The following LRRC4C variants were observed in gnomAD, a reference collection of about 807,000 sequenced individuals.
LRRC4C encodes leucine rich repeat containing 4C, also known as leucine-rich repeat-containing protein 4C.
Under a neutral mutation model 33.6 loss-of-function variants are expected in LRRC4C, and 5 were observed. That is an observed-to-expected ratio of 0.15 (90% CI 0.08 to 0.31). LRRC4C has a LOEUF of 0.31. Among genes scored for constraint, LRRC4C ranks in the 10% least tolerant of loss-of-function variants. LRRC4C has a pLI of 1.00. For synonymous variants in LRRC4C, 329 were observed against 302.0 expected, an observed-to-expected ratio of 1.09 and a Z score of -0.93; for missense variants, 560 against 796.7, an observed-to-expected ratio of 0.70 and a Z score of 3.58.
intron 5 of LRRC4C, among the ~76,000 whole-genome samples, chr11:40,183,641 A>G (rs12362407): frequency 0.18 from 27,227 of 152,276 alleles, 3,182 homozygotes; most frequent in Middle Eastern, 0.3. Context: ...AAAACCAATC[A>G]GAAACTCTGT....
At chr11:41,088,344 A>AT (rs1940155784) in intron 1 of LRRC4C, among the ~76,000 whole-genome samples, 1 of 152,182 alleles carries the variant, frequency 6.6e-6, no homozygotes, top group East Asian at 1.9e-4. Flanking sequence ...CTTGTTTTTG[A>AT]TTTTTTAAGA....
chr11:41,306,003 C>T (rs1254354765), intron 1 of LRRC4C, among the ~76,000 whole-genome samples: 1 of 146,326 alleles, frequency 6.8e-6, no homozygotes, highest in Non-Finnish European at 1.5e-5. Flanking sequence ...GCCCCCTGGG[C>T]CCCCTTATTT....
At chr11:40,588,229 A>C (rs1359016938) in intron 3 of LRRC4C, among the ~76,000 whole-genome samples, 4 of 150,712 alleles carry the variant, frequency 2.7e-5, no homozygotes, top group African/African-American at 9.7e-5. Flanking sequence ...CCAGGAATTT[A>C]TCCATTTCTT....
chr11:40,708,847 C>T (rs1946315979), intron 2 of LRRC4C, among the ~76,000 whole-genome samples: 1 of 152,088 alleles, frequency 6.6e-6, no homozygotes, highest in African/African-American at 2.4e-5. Flanking sequence ...GAGTCTAAGT[C>T]TCCTTGTAGC....
At chr11:40,968,246 C>T (rs1187663404) in intron 1 of LRRC4C, among the ~76,000 whole-genome samples, 1 of 152,008 alleles carries the variant, frequency 6.6e-6, no homozygotes, top group Non-Finnish European at 1.5e-5. Context: ...TCTATAAAGA[C>T]TAAGAGAGTT....
chr11:40,613,586 C>T (rs914921999), intron 3 of LRRC4C, among the ~76,000 whole-genome samples: 2 of 151,598 alleles, frequency 1.3e-5, no homozygotes, highest in Non-Finnish European at 3.0e-5. Context: ...TCCAAATTCC[C>T]GTTAATGTTA....
intron 5 of LRRC4C, among the ~76,000 whole-genome samples, chr11:40,186,874 C>T (rs1861443770): frequency 6.6e-6 from 1 of 152,182 alleles, no homozygotes; most frequent in African/African-American, 2.4e-5. Context: ...CCCCTGTGCA[C>T]CCTACCACTT....
Position 40,116,306 on chromosome 11 carries a change from G to T in LRRC4C, c.-14C>A. On this transcript the variant is annotated 5_prime_UTR_variant, in exon 7 of 7. Coordinates refer to ENST00000528697, the MANE Select transcript of LRRC4C (RefSeq NM_001258419.2). Reference sequence around the variant, plus strand: ...CTTGTTCAACATTCATAATTTATCTGGTGTTGGTCCTTCTGGAATTCAAAC... The same window carrying T: ...CTTGTTCAACATTCATAATTTATCTTGTGTTGGTCCTTCTGGAATTCAAAC... 6.4e-7 allele frequency: 1 copy of T among 1,562,962 alleles called. No individual in the cohort carries two copies. The highest frequency in any genetic ancestry group is 8.7e-7 in the Non-Finnish European group (1 of 1,152,214).
At chr11:41,171,852 T>A (rs1482229072) in intron 1 of LRRC4C, among the ~76,000 whole-genome samples, 3 of 151,928 alleles carry the variant, frequency 2.0e-5, no homozygotes, top group Non-Finnish European at 4.4e-5. Context: ...GTCCTAATTA[T>A]GACAAGCAGA....
intron 4 of LRRC4C, among the ~76,000 whole-genome samples, chr11:40,310,005 C>T (rs975866150): frequency 2.6e-5 from 4 of 152,066 alleles, no homozygotes; most frequent in Non-Finnish European, 5.9e-5. Flanking sequence ...ATGGAGGCAA[C>T]CTAATGTAGA....
intron 1 of LRRC4C, among the ~76,000 whole-genome samples, chr11:41,297,395 T>G (rs1291743255): frequency 1.3e-5 from 2 of 152,190 alleles, no homozygotes; most frequent in African/African-American, 4.8e-5. Flanking sequence ...GATACTGGCC[T>G]TGTAAAATGT....
At chr11:41,077,708 G>T (rs1939260308) in intron 1 of LRRC4C, among the ~76,000 whole-genome samples, 1 of 152,152 alleles carries the variant, frequency 6.6e-6, no homozygotes. Context: ...CTGTTGTCTT[G>T]GCTATTAACA....
intron 2 of LRRC4C, among the ~76,000 whole-genome samples, chr11:40,925,272 C>T (rs1957367899): frequency 6.6e-6 from 1 of 152,188 alleles, no homozygotes; most frequent in Non-Finnish European, 1.5e-5. Context: ...CCTCATGAAG[C>T]TTCATTCATA....
chr11:40,174,486 T>C (rs1184267962), intron 5 of LRRC4C, among the ~76,000 whole-genome samples: 3 of 152,202 alleles, frequency 2.0e-5, no homozygotes, highest in Non-Finnish European at 4.4e-5. Context: ...GTTAGAAGGC[T>C]ATGAACATCT....
chr11:40,488,682 A>G (rs184797544), intron 3 of LRRC4C, among the ~76,000 whole-genome samples: 4 of 152,034 alleles, frequency 2.6e-5, no homozygotes, highest in Admixed American at 6.6e-5. Flanking sequence ...ACGTGACTAA[A>G]TCCTAAATGT....
chr11:40,964,432 C>A (rs1851191735), intron 1 of LRRC4C, among the ~76,000 whole-genome samples: 1 of 151,760 alleles, frequency 6.6e-6, no homozygotes, highest in Non-Finnish European at 1.5e-5. Flanking sequence ...AGGTTTGTTA[C>A]ATATGTAAAC....
At chr11:40,535,427 T>G (rs1194457438) in intron 3 of LRRC4C, among the ~76,000 whole-genome samples, 1 of 152,176 alleles carries the variant, frequency 6.6e-6, no homozygotes, top group Non-Finnish European at 1.5e-5. Flanking sequence ...TGTCCTTGAT[T>G]CAAGCCATTT....
At chr11:41,094,681 C>A (rs1390158201) in intron 1 of LRRC4C, among the ~76,000 whole-genome samples, 1 of 152,008 alleles carries the variant, frequency 6.6e-6, no homozygotes, top group African/African-American at 2.4e-5. Flanking sequence ...ATATACTTTT[C>A]TTTCTTATCT....
At chr11:41,153,720 A>G in intron 1 of LRRC4C, among the ~76,000 whole-genome samples, 1 of 152,126 alleles carries the variant, frequency 6.6e-6, no homozygotes, top group Non-Finnish European at 1.5e-5. Context: ...AAATTTATTT[A>G]TTTATTTACC....
Sources: gnomAD v4.1 joint callset for allele counts (sites outside exome capture counted in the v4.1 genomes callset) on GRCh38, gnomAD v4.1.1 for gene constraint, MANE v1.5 for transcripts, NCBI Gene and HGNC (gene_info 2026-07-23, HGNC 2026-07-21) for gene names.